The following XIRP2 variants were observed in gnomAD, a reference collection of about 807,000 sequenced individuals.
The protein encoded by XIRP2 is xin actin-binding repeat-containing protein 2.
Under a neutral mutation model 277.0 loss-of-function variants are expected in XIRP2, and 236 were observed. The observed-to-expected ratio is 0.85, with a 90% confidence interval of 0.77 to 0.95. The LOEUF (loss-of-function observed/expected upper bound fraction) is 0.95. XIRP2 is among the 40% of genes least tolerant of loss of function. The pLI, the probability that XIRP2 is intolerant of heterozygous loss-of-function variation, is 0.00. For synonymous variants in XIRP2, 1,490 were observed against 1,416.5 expected (o/e 1.05, Z -1.17); for missense variants, 4,640 against 4,157.5 (o/e 1.12, Z -3.19).
chr2:166,962,248 T>C (rs1169534138), intron 2 of XIRP2, among the ~76,000 whole-genome samples: 1 of 151,696 alleles, frequency 6.6e-6, no homozygotes, highest in Non-Finnish European at 1.5e-5. Flanking sequence ...TTTGGAATAG[T>C]CAGATCTTGA....
chr2:166,903,345 A>G (rs1684431616), intron 1 of XIRP2, 120 bp from the exon 2 acceptor site: 6 of 931,976 alleles, frequency 6.4e-6, no homozygotes, highest in Non-Finnish European at 9.4e-6. Flanking sequence ...TTGTATAGGA[A>G]AGCTGGATTT....
At chr2:167,077,393 T>C (rs1176798763) in intron 2 of XIRP2, among the ~76,000 whole-genome samples, 1 of 152,048 alleles carries the variant, frequency 6.6e-6, no homozygotes, top group African/African-American at 2.4e-5. Flanking sequence ...TAAGAACCTA[T>C]TATGTGGCAG....
At chr2:167,054,903 A>C (rs369212833) in intron 2 of XIRP2, among the ~76,000 whole-genome samples, 1 of 152,176 alleles carries the variant, frequency 6.6e-6, no homozygotes, top group Admixed American at 6.5e-5. Context: ...ATTATGAACC[A>C]TGTTCCATGA....
At position 167,250,306 on chromosome 2, in the gene XIRP2, G is replaced by A. The variant is rs762247186; in HGVS notation, c.8914G>A (p.Gly2972Ser). 6.2e-7 allele frequency: 1 copy of A among 1,612,988 alleles called. No individual in the cohort carries two copies. The highest frequency in any genetic ancestry group is 8.5e-7 in the Non-Finnish European group (1 of 1,179,574). The stretch of plus-strand genomic sequence containing the variant: ...GTTTGAAGCAGAGCCAAATAAAAGT[G>A]GCCTTAAAACATTTCAGACACTATT... The part of the protein sequence containing the change: ...KQFEAEPNKS[G>S]LKTFQTLLNT... The change falls in exon 9 of 11, where the codon GGC becomes AGC. Residue 2972 changes from glycine (G) to serine (S), a missense_variant. Gly to Ser is a moderately conservative substitution (Grantham distance 56). Coordinates refer to ENST00000409195, the MANE Select transcript of XIRP2 (RefSeq NM_152381.6).
intron 2 of XIRP2, among the ~76,000 whole-genome samples, chr2:166,958,760 T>A (rs1291882553): frequency 6.6e-6 from 1 of 151,816 alleles, no homozygotes; most frequent in Non-Finnish European, 1.5e-5. Context: ...CTTCTTACTG[T>A]GGTGAGTTGT....
intron 2 of XIRP2, among the ~76,000 whole-genome samples, chr2:167,013,402 G>A (rs13033499): frequency 1.3e-4 from 19 of 151,098 alleles, no homozygotes; most frequent in African/African-American, 2.7e-4. Context: ...ATACTGATGC[G>A]GTCTTAAATA....
intron 2 of XIRP2, among the ~76,000 whole-genome samples, chr2:166,975,112 T>C (rs1049405450): frequency 4.6e-5 from 7 of 151,152 alleles, no homozygotes; most frequent in African/African-American, 1.7e-4. Flanking sequence ...ACAAAAATTA[T>C]AAATACATAT....
At chr2:167,183,108 A>G (rs937139231) in intron 3 of XIRP2, among the ~76,000 whole-genome samples, 2 of 152,230 alleles carry the variant, frequency 1.3e-5, no homozygotes, top group African/African-American at 4.8e-5. Context: ...CTAATGTCGT[A>G]TATCAACTTA....
At chr2:167,115,410 G>C (rs886675976) in intron 2 of XIRP2, among the ~76,000 whole-genome samples, 1 of 152,122 alleles carries the variant, frequency 6.6e-6, no homozygotes, top group Admixed American at 6.6e-5. Flanking sequence ...CATTCATTTA[G>C]AGGAAAGAAG....
At chr2:167,160,682 A>C (rs1347076269) in intron 3 of XIRP2, among the ~76,000 whole-genome samples, 1 of 152,170 alleles carries the variant, frequency 6.6e-6, no homozygotes, top group Non-Finnish European at 1.5e-5. Flanking sequence ...GGTCCCTTCC[A>C]CAACACATGA....
chr2:167,031,972 A>G (rs1459254407), intron 2 of XIRP2, among the ~76,000 whole-genome samples: 2 of 152,050 alleles, frequency 1.3e-5, no homozygotes, highest in Non-Finnish European at 2.9e-5. Flanking sequence ...TCATATGGAA[A>G]CAAAAAAGAG....
intron 2 of XIRP2, among the ~76,000 whole-genome samples, chr2:166,935,817 G>A (rs998236883): frequency 6.6e-6 from 1 of 152,136 alleles, no homozygotes; most frequent in Admixed American, 6.5e-5. Context: ...TATCATTGAT[G>A]GACATTTGGG....
chr2:167,075,633 C>G (rs558331385), intron 2 of XIRP2, among the ~76,000 whole-genome samples: 2 of 152,106 alleles, frequency 1.3e-5, no homozygotes, highest in Non-Finnish European at 2.9e-5. Flanking sequence ...TTTAAGAATT[C>G]TGTTGTCTCT....
intron 2 of XIRP2, among the ~76,000 whole-genome samples, chr2:166,967,623 T>C (rs2105415762): frequency 6.6e-6 from 1 of 152,088 alleles, no homozygotes; most frequent in South Asian, 2.1e-4. Context: ...AGAGGTCTTA[T>C]GCTCCACATA....
chr2:167,199,474 G>T (rs1480536009), intron 3 of XIRP2, among the ~76,000 whole-genome samples: 1 of 152,172 alleles, frequency 6.6e-6, no homozygotes, highest in Non-Finnish European at 1.5e-5. Flanking sequence ...AGCTTCATAT[G>T]GAATTTTACA....
At chr2:167,134,518 A>T (rs564330244) in intron 2 of XIRP2, among the ~76,000 whole-genome samples, 1 of 152,222 alleles carries the variant, frequency 6.6e-6, no homozygotes, top group African/African-American at 2.4e-5. Context: ...TTAAGAGGTA[A>T]CAAAAGTGAA....
At chr2:167,000,203 T>C (rs1370894346) in intron 2 of XIRP2, among the ~76,000 whole-genome samples, 4 of 152,198 alleles carry the variant, frequency 2.6e-5, no homozygotes, top group Non-Finnish European at 4.4e-5. Flanking sequence ...GTATTCCTCT[T>C]GTGCCTTAGC....
intron 5 of XIRP2, among the ~76,000 whole-genome samples, chr2:167,232,884 C>G (rs548362061): frequency 6.6e-6 from 1 of 151,812 alleles, no homozygotes; most frequent in Admixed American, 6.6e-5. Flanking sequence ...TTCTAAGGAG[C>G]TGATAATCAT....
chr2:167,077,363 T>C (rs1043769440), intron 2 of XIRP2, among the ~76,000 whole-genome samples: 1 of 152,130 alleles, frequency 6.6e-6, no homozygotes, highest in African/African-American at 2.4e-5. Flanking sequence ...TATCGAGTCA[T>C]TTATTCAACA....
Sources: allele counts gnomAD v4.1 joint callset (sites outside exome capture counted in the v4.1 genomes callset), GRCh38; gene constraint gnomAD v4.1.1; transcripts MANE v1.5; gene names NCBI Gene and HGNC (gene_info 2026-07-23, HGNC 2026-07-21).